Variants in CABIN1 observed in about 807,000 individuals in gnomAD.
CABIN1 encodes the protein calcineurin binding protein 1.
Under a neutral mutation model 227.7 loss-of-function variants are expected in CABIN1, and 133 were observed. That is an observed-to-expected ratio of 0.58 (90% CI 0.51 to 0.67). CABIN1 has a LOEUF of 0.67. CABIN1 is among the 30% of genes least tolerant of loss of function. The pLI is 0.00. For missense variants in CABIN1, 2,408 were observed against 2,852.5 expected, an observed-to-expected ratio of 0.84 and a Z score of 3.55; for synonymous variants, 1,086 against 1,155.1, an observed-to-expected ratio of 0.94 and a Z score of 1.21.
intron 13 of CABIN1, among the ~76,000 whole-genome samples, 170 bp from the exon 14 acceptor site, chr22:24,062,789 T>C (rs1166508214): frequency 1.3e-5 from 2 of 151,996 alleles, no homozygotes; most frequent in Non-Finnish European, 2.9e-5. Flanking sequence ...TTGTCTTAAC[T>C]GGTCCAACCT....
chr22:24,075,307 C>T (rs528026163), intron 18 of CABIN1, among the ~76,000 whole-genome samples: 8 of 152,178 alleles, frequency 5.3e-5, no homozygotes, highest in East Asian at 1.9e-4. Flanking sequence ...AGTTATAAGT[C>T]GTTAATGGGT....
intron 24 of CABIN1, among the ~76,000 whole-genome samples, chr22:24,092,504 C>T (rs2041612541): frequency 6.6e-6 from 1 of 152,124 alleles, no homozygotes; most frequent in Non-Finnish European, 1.5e-5. Flanking sequence ...ATCCAGATGT[C>T]CACCATTTGG....
Position 24,049,239 on chromosome 22 carries a change from C to T in CABIN1, c.656+19C>T. The T allele has an allele frequency of 6.8e-6, 11 of 1,611,842 alleles. No individual in the cohort carries two copies. The highest frequency in any genetic ancestry group is 9.3e-6 in the Non-Finnish European group (11 of 1,179,530). On this transcript the variant is annotated intron_variant, in intron 7 of 36. Transcript: ENST00000263119. The stretch of plus-strand genomic sequence containing the variant: ...TCAAATGGTAAGTCCTGCCTCTTCC[C>T]ATGCCATGTGTGCACGCTTACTGTG...
rs755428954 is a variant in CABIN1 at position 24,096,115 on chromosome 22, C to T, written c.3938+33C>T. ...GCACCCTTCAGGCGACCCCTAGCAG[C>T]TTACCCCATCTGCATCCCAGATGGC... On this transcript the variant is annotated intron_variant, in intron 25 of 36. Coordinates refer to ENST00000263119, the MANE Select transcript of CABIN1 (RefSeq NM_012295.4). 5 of 1,612,274 alleles carry T rather than the reference C, an allele frequency of 3.1e-6. No individual in the cohort carries two copies. The African/African-American group carries it at 6.7e-5, about 22-fold the overall frequency.
At chr22:24,039,676 C>T (rs1017300755) in intron 4 of CABIN1, among the ~76,000 whole-genome samples, 2 of 152,190 alleles carry the variant, frequency 1.3e-5, no homozygotes, top group Non-Finnish European at 1.5e-5. Context: ...CCTAAGGGCA[C>T]GGTCATGTGT....
At chr22:24,137,459 G>A (rs1807524028) in intron 29 of CABIN1, among the ~76,000 whole-genome samples, 1 of 152,210 alleles carries the variant, frequency 6.6e-6, no homozygotes, top group African/African-American at 2.4e-5. Context: ...GGCTGGTACA[G>A]CCTCATGTAG....
At position 24,157,852 on chromosome 22, in the gene CABIN1, G is replaced by A. The variant is rs571953109; in HGVS notation, c.4747-6548G>A. ...CAGGAGGAAGTTTTTATGCTTTTCT[G>A]GGGGGGCGGGGAGGCCCCTAATCTC... On this transcript the variant is annotated intron_variant, in intron 29 of 36. Coordinates refer to ENST00000263119, the MANE Select transcript of CABIN1 (RefSeq NM_012295.4). 4.7e-3 allele frequency among the ~76,000 whole-genome samples: 720 copies of A among 152,142 alleles called. 8 individuals are homozygous for A. The highest frequency in any genetic ancestry group is 0.02 in the Middle Eastern group (6 of 294).
At chr22:24,103,108 A>AT (rs1039359455) in intron 26 of CABIN1, 15 of 152,178 alleles carry the variant, frequency 9.9e-5, no homozygotes, top group African/African-American at 2.7e-4. Flanking sequence ...CTCAGCTCTC[A>AT]GTCCGGCTCC....
intron 18 of CABIN1, among the ~76,000 whole-genome samples, chr22:24,074,732 G>A (rs987234647): frequency 1.3e-5 from 2 of 152,288 alleles, no homozygotes; most frequent in South Asian, 2.1e-4. Context: ...TAAGGAAGGC[G>A]GAGGAAGCAG....
chr22:24,172,035 G>A lies in CABIN1; in HGVS notation c.6040+40G>A, dbSNP rs199852524. ...AGTCCAGAGCTGGGCCCAGGCCCCT[G>A]CCACCATCAAGTCCTCCCTGCGGGG... On this transcript the variant is annotated intron_variant, in intron 34 of 36. Coordinates refer to ENST00000263119, the MANE Select transcript of CABIN1 (RefSeq NM_012295.4). 12 of 1,591,442 alleles carry A rather than the reference G, an allele frequency of 7.5e-6. No homozygotes were observed. In the East Asian group the frequency reaches 2.7e-4, roughly 36 times the overall value.
chr22:24,174,004 T>G (rs540276233), intron 34 of CABIN1, among the ~76,000 whole-genome samples: 1 of 150,518 alleles, frequency 6.6e-6, no homozygotes, highest in Admixed American at 6.6e-5. Flanking sequence ...TTTTTTTTTT[T>G]AATTTTTATT....
chr22:24,127,856 G>GTA (rs530835807), intron 28 of CABIN1, among the ~76,000 whole-genome samples: 124 of 152,050 alleles, frequency 8.2e-4, no homozygotes, highest in African/African-American at 2.4e-3. Flanking sequence ...TAGAACAGTT[G>GTA]TATATATATG....
intron 2 of CABIN1, among the ~76,000 whole-genome samples, chr22:24,035,884 C>T (rs569036901): frequency 6.9e-6 from 1 of 144,954 alleles, no homozygotes; most frequent in African/African-American, 2.5e-5. Flanking sequence ...TAACCCTCCC[C>T]CCTCGGCCCC....
chr22:24,087,228 G>A (rs2041229100), intron 22 of CABIN1, among the ~76,000 whole-genome samples: 1 of 152,200 alleles, frequency 6.6e-6, no homozygotes, highest in Non-Finnish European at 1.5e-5. Context: ...CTTCTCTTGA[G>A]GTAGGTCTTC....
intron 15 of CABIN1, among the ~76,000 whole-genome samples, chr22:24,064,769 C>T (rs937421765): frequency 5.3e-4 from 81 of 152,266 alleles, no homozygotes; most frequent in African/African-American, 1.8e-3. Flanking sequence ...ACATCTTTCA[C>T]CGCCCTTAAT....
rs940801669 is a variant in CABIN1 at position 24,178,536 on chromosome 22, G to A, written c.*340G>A. The A allele has an allele frequency of 5.4e-6, 2 of 370,426 alleles. No individual in the cohort carries two copies. Among genetic ancestry groups the A allele is most frequent in the Non-Finnish European group, 1.0e-5 (2 of 193,308 alleles). 22.9% of individuals were successfully genotyped at this position (370,426 alleles called of 1,614,324 possible). A position where few individuals can be genotyped will look rare whatever the true frequency, so the allele number is the denominator to read the frequency against. Reference sequence around the variant, plus strand: ...CCACCCCTCGACGCCGGGATGAGCCGGCTCTGCCTGTGTCACAGTGGAGGG... The same window carrying A: ...CCACCCCTCGACGCCGGGATGAGCCAGCTCTGCCTGTGTCACAGTGGAGGG... On this transcript the variant is annotated 3_prime_UTR_variant, in exon 37 of 37. Transcript: ENST00000263119.
At position 24,099,027 on chromosome 22, in the gene CABIN1, C is replaced by T. The variant is rs550592020; in HGVS notation, c.4117+835C>T. On this transcript the variant is annotated intron_variant, in intron 26 of 36. Coordinates refer to ENST00000263119, the MANE Select transcript of CABIN1 (RefSeq NM_012295.4). ...ATGCTAGTAGGTGGGTAGAATTGGT[C>T]CCAGGGCTCTGCTTCCTGCCAGATA... Among the ~76,000 whole-genome samples, 4 of 152,202 alleles carry T rather than the reference C, an allele frequency of 2.6e-5. No homozygotes were observed. The South Asian group carries it at 8.3e-4, about 32-fold the overall frequency.
At chr22:24,126,303 T>C (rs2043719256) in intron 28 of CABIN1, among the ~76,000 whole-genome samples, 1 of 152,166 alleles carries the variant, frequency 6.6e-6, no homozygotes, top group Non-Finnish European at 1.5e-5. Flanking sequence ...GGTAAGGGGT[T>C]CGAGGTGTGA....
At chr22:24,041,391 A>G in intron 5 of CABIN1, 118 bp downstream of exon 5, 4 of 1,300,686 alleles carry the variant, frequency 3.1e-6, no homozygotes, top group Non-Finnish European at 4.4e-6. Flanking sequence ...ACCAAGCTAT[A>G]GTACCCAAGG....
Sources: allele counts gnomAD v4.1 joint callset (sites outside exome capture counted in the v4.1 genomes callset), GRCh38; gene constraint gnomAD v4.1.1; transcripts MANE v1.5; gene names NCBI Gene and HGNC (gene_info 2026-07-23, HGNC 2026-07-21).